Variants in ANTXR1 observed in about 807,000 individuals in gnomAD.
ANTXR1 encodes anthrax toxin receptor 1.
In ANTXR1, 19 loss-of-function variants were observed where a neutral mutation model predicts 78.1. The ratio of observed to expected loss-of-function variants is 0.24; its 90% CI spans 0.17 to 0.36. ANTXR1 has a LOEUF of 0.36. Ranked by LOEUF, ANTXR1 falls within the 10% of genes least tolerant of loss-of-function variation. The probability of loss-of-function intolerance (pLI) is 1.00; values close to 1 mark genes in which losing one functional copy is unlikely to be tolerated. For missense variants in ANTXR1, 518 were observed against 718.6 expected (o/e 0.72, Z 3.19); for synonymous variants, 273 against 260.5 (o/e 1.05, Z -0.46).
chr2:69,170,377 T>C lies in ANTXR1; in HGVS notation c.1089+88T>C, dbSNP rs575827591. 28 of 1,469,314 alleles carry C rather than the reference T, an allele frequency of 1.9e-5. No individual in the cohort carries two copies. The African/African-American group carries it at 3.6e-4, about 19-fold the overall frequency. 91.0% of individuals were successfully genotyped at this position (1,469,314 alleles called of 1,614,324 possible). ...CTGGGCAGCTGGACACTTAGCCCCC[T>C]GCAGAGCAGAGCTAAGTCAAGCTCA... On this transcript the variant is annotated intron_variant, in intron 14 of 17. Transcript: ENST00000303714.
chr2:69,239,389 C>T lies in ANTXR1; in HGVS notation c.1435-5836C>T, dbSNP rs368568295. ...TTCAAGACCAGCCTGGCCAACATAG[C>T]GAAACCCCGTCTCTACTAAAAATAC... On this transcript the variant is annotated intron_variant, in intron 17 of 17. Coordinates refer to ENST00000303714, the MANE Select transcript of ANTXR1 (RefSeq NM_032208.3). 2.5e-3 allele frequency among the ~76,000 whole-genome samples: 384 copies of T among 152,150 alleles called. 2 individuals are homozygous for T. The highest frequency in any genetic ancestry group is 8.6e-3 in the African/African-American group (357 of 41,504).
At chr2:69,211,180 A>G (rs1257944754) in intron 17 of ANTXR1, among the ~76,000 whole-genome samples, 5 of 152,320 alleles carry the variant, frequency 3.3e-5, no homozygotes, top group East Asian at 3.9e-4. Context: ...CCAGTCAGCA[A>G]AAGTTTACAC....
At position 69,013,601 on chromosome 2, in the gene ANTXR1, T is replaced by C. The variant is rs373167585; in HGVS notation, c.102T>C (p.Asp34=). 4 of 1,561,700 alleles carry C rather than the reference T, an allele frequency of 2.6e-6. No homozygotes were observed. In the East Asian group the frequency reaches 7.0e-5, roughly 27 times the overall value. ...CCGGGCAAGGGGGACGCAGGGAGGA[T>C]GGGGGTCCAGCCTGCTACGGCGGAT... ...ICAGQGGRRE[D]GGPACYGGFD... is the part of the protein sequence containing the mutation. The change falls in exon 1 of 18, where the codon GAT becomes GAC. Residue 34 remains aspartate, a synonymous_variant. Coordinates refer to ENST00000303714, the MANE Select transcript of ANTXR1 (RefSeq NM_032208.3). This position sits in a 1 kb window ranked among gnomAD's most constrained non-coding sequence, Gnocchi z 5.0.
intron 2 of ANTXR1, among the ~76,000 whole-genome samples, chr2:69,042,193 C>A (rs1162410848): frequency 3.3e-5 from 5 of 152,038 alleles, no homozygotes; most frequent in African/African-American, 1.2e-4. Flanking sequence ...ATTTTGAGTC[C>A]TTTTATTTAT....
At chr2:69,162,943 G>A (rs575739719) in intron 13 of ANTXR1, among the ~76,000 whole-genome samples, 3 of 152,026 alleles carry the variant, frequency 2.0e-5, no homozygotes, top group South Asian at 2.1e-4. Context: ...AAGTAATTGC[G>A]GTTTTTGCCA....
rs143179131 is a variant in ANTXR1, at chr2:69,106,020, T to C, written c.802+3080T>C. 2.1e-3 allele frequency among the ~76,000 whole-genome samples: 323 copies of C among 152,360 alleles called. 1 individual carries two copies. Among genetic ancestry groups the C allele is most frequent in the African/African-American group, 7.5e-3 (313 of 41,590 alleles). On this transcript the variant is annotated intron_variant, in intron 10 of 17. Coordinates refer to ENST00000303714, the MANE Select transcript of ANTXR1 (RefSeq NM_032208.3). Reference sequence around the variant, plus strand: ...ATTTTTCAAGTCTTAAAACTTAATTTAAAAGTTAGAGATATAGAGCATATA... The same window carrying C: ...ATTTTTCAAGTCTTAAAACTTAATTCAAAAGTTAGAGATATAGAGCATATA...
chr2:69,177,643 C>G (rs966052817), intron 14 of ANTXR1, among the ~76,000 whole-genome samples: 1 of 152,226 alleles, frequency 6.6e-6, no homozygotes, highest in African/African-American at 2.4e-5. Context: ...CCAGGCACCA[C>G]TGACTCCTAC....
chr2:69,078,536 C>T (rs1009059816), intron 8 of ANTXR1, among the ~76,000 whole-genome samples: 2 of 152,102 alleles, frequency 1.3e-5, no homozygotes, highest in Non-Finnish European at 2.9e-5. Flanking sequence ...TCAGGGTTTG[C>T]TAGGAGCTCC....
At chr2:69,122,507 C>T (rs934808284) in intron 10 of ANTXR1, among the ~76,000 whole-genome samples, 1 of 152,228 alleles carries the variant, frequency 6.6e-6, no homozygotes, top group African/African-American at 2.4e-5. Flanking sequence ...CTCAACTGCA[C>T]ATACCACAGG....
At chr2:69,201,836 G>T (rs1230366046) in intron 17 of ANTXR1, among the ~76,000 whole-genome samples, 1 of 152,180 alleles carries the variant, frequency 6.6e-6, no homozygotes, top group Non-Finnish European at 1.5e-5. Context: ...GGAGTTCACA[G>T]TGCCTGTGGG....
intron 13 of ANTXR1, among the ~76,000 whole-genome samples, chr2:69,164,256 C>T (rs1041402657): frequency 2.0e-5 from 3 of 152,176 alleles, no homozygotes; most frequent in Admixed American, 6.5e-5. Flanking sequence ...TGATTAGATT[C>T]CCATGACGCA....
intron 14 of ANTXR1, chr2:69,172,340 A>C (rs1674010943): frequency 1.9e-6 from 3 of 1,601,338 alleles, no homozygotes; most frequent in East Asian, 4.5e-5. Context: ...TAGGCCACCT[A>C]ATCTCCTTCC....
chr2:69,235,730 G>T, intron 17 of ANTXR1, among the ~76,000 whole-genome samples: 1 of 135,428 alleles, frequency 7.4e-6, no homozygotes, highest in East Asian at 2.2e-4. Flanking sequence ...TTTAACTTCT[G>T]TACATCAAAA....
At chr2:69,023,402 GTGA>G (rs1179799950) in intron 1 of ANTXR1, among the ~76,000 whole-genome samples, 1 of 151,900 alleles carries the variant, frequency 6.6e-6, no homozygotes, top group Non-Finnish European at 1.5e-5. Context: ...AAGGATAATG[GTGA>G]TGGTGGTGGT....
intron 17 of ANTXR1, among the ~76,000 whole-genome samples, chr2:69,235,233 G>A (rs1399674291): frequency 1.3e-5 from 2 of 151,898 alleles, no homozygotes; most frequent in Non-Finnish European, 2.9e-5. Context: ...ATGTTGGTCA[G>A]GCTGGTCTCA....
intron 12 of ANTXR1, among the ~76,000 whole-genome samples, chr2:69,133,377 C>T (rs1672814906): frequency 6.6e-6 from 1 of 152,188 alleles, no homozygotes; most frequent in African/African-American, 2.4e-5. Context: ...CACTTCCTGT[C>T]CAACTTTCCC....
At chr2:69,214,352 C>T (rs1392548930) in intron 17 of ANTXR1, among the ~76,000 whole-genome samples, 8 of 152,212 alleles carry the variant, frequency 5.3e-5, no homozygotes, top group Non-Finnish European at 1.5e-5. Context: ...TTTCCTTCTA[C>T]TCCTTGTAAA....
chr2:69,174,430 C>T (rs1674067044), intron 14 of ANTXR1, among the ~76,000 whole-genome samples: 1 of 152,092 alleles, frequency 6.6e-6, no homozygotes, highest in Non-Finnish European at 1.5e-5. Context: ...TTGAGACCAG[C>T]CTGGCCAACA....
intron 3 of ANTXR1, among the ~76,000 whole-genome samples, chr2:69,058,215 G>C (rs1214556765): frequency 6.6e-6 from 1 of 152,236 alleles, no homozygotes; most frequent in Non-Finnish European, 1.5e-5. Flanking sequence ...CTAAACAACA[G>C]ATTTTCAGTG....
Sources: allele counts gnomAD v4.1 joint callset (sites outside exome capture counted in the v4.1 genomes callset), GRCh38; gene constraint gnomAD v4.1.1; non-coding constraint Gnocchi (gnomAD v3.1); transcripts MANE v1.5; gene names NCBI Gene and HGNC (gene_info 2026-07-23, HGNC 2026-07-21).